NFIA: variants seen among roughly 807,000 people sequenced by gnomAD.
The protein encoded by NFIA is nuclear factor 1 A-type.
A neutral mutation model predicts 62.8 loss-of-function variants in NFIA; 8 were observed. The observed-to-expected ratio is 0.13, with a 90% CI of 0.07 to 0.23. The LOEUF (loss-of-function observed/expected upper bound fraction) is 0.23. Ranked by LOEUF, NFIA falls within the 10% of genes least tolerant of loss-of-function variation. The probability of loss-of-function intolerance (pLI) is 1.00; values close to 1 mark genes in which losing one functional copy is unlikely to be tolerated. For synonymous variants in NFIA, 235 were observed against 238.1 expected (o/e 0.99, Z 0.12); for missense variants, 410 against 642.1 (o/e 0.64, Z 3.91).
At chr1:61,135,237 T>TG (rs1647160597) in intron 2 of NFIA, among the ~76,000 whole-genome samples, 1 of 152,222 alleles carries the variant, frequency 6.6e-6, no homozygotes, top group African/African-American at 2.4e-5. Flanking sequence ...GATCATTTAA[T>TG]ACAGCTACTT....
chr1:61,254,853 GTC>G (rs1027311265), intron 2 of NFIA, among the ~76,000 whole-genome samples: 32 of 152,328 alleles, frequency 2.1e-4, no homozygotes, highest in African/African-American at 7.0e-4. Flanking sequence ...TTAAAAGACA[GTC>G]TGCCTTAAAG....
chr1:61,447,461 T>A (rs1478779144), intron 10 of NFIA, among the ~76,000 whole-genome samples: 1 of 152,138 alleles, frequency 6.6e-6, no homozygotes, highest in African/African-American at 2.4e-5. Flanking sequence ...AAACAGATAA[T>A]AAACATGAGG....
At chr1:61,255,351 A>T (rs1656313530) in intron 2 of NFIA, among the ~76,000 whole-genome samples, 1 of 152,216 alleles carries the variant, frequency 6.6e-6, no homozygotes, top group African/African-American at 2.4e-5. Flanking sequence ...AAAAATGTGT[A>T]ATCTTCAATA....
chr1:61,145,641 G>A (rs932416608), intron 2 of NFIA, among the ~76,000 whole-genome samples: 12 of 152,112 alleles, frequency 7.9e-5, no homozygotes, highest in African/African-American at 2.7e-4. Flanking sequence ...GGAGTAATGC[G>A]TTATATGCAG....
intron 2 of NFIA, among the ~76,000 whole-genome samples, chr1:61,156,373 A>G (rs1423381841): frequency 6.6e-6 from 1 of 152,104 alleles, no homozygotes; most frequent in African/African-American, 2.4e-5. Context: ...TGGGACTTGT[A>G]TGTATTTATT....
Position 61,406,543 on chromosome 1 carries a change from G to GGGGCCCCCCCCCC in NFIA, c.1255-19_1255-18insGGGCCCCCCCCCC. 1.1e-6 allele frequency: 1 copy of GGGGCCCCCCCCCC among 876,654 alleles called. No homozygotes were observed. The allele number at this position is 876,654 out of a possible 1,614,324, so 54.3% of individuals were successfully genotyped here. The stretch of plus-strand genomic sequence containing the variant: ...TCTTTTTCTTGTACGTGTGTTTTCT[G>GGGGCCCCCCCCCC]CCCCCCCCCCCCCCACAGCCCAATG... On this transcript the variant is annotated intron_variant, in intron 8 of 10. Transcript: ENST00000403491.
intron 2 of NFIA, among the ~76,000 whole-genome samples, chr1:61,213,713 C>T (rs1653410302): frequency 6.6e-6 from 1 of 152,194 alleles, no homozygotes; most frequent in African/African-American, 2.4e-5. Flanking sequence ...TACTAAAAAT[C>T]TGCTTTTCTC....
intron 6 of NFIA, among the ~76,000 whole-genome samples, chr1:61,363,666 C>T (rs945669353): frequency 2.6e-5 from 4 of 151,676 alleles, no homozygotes; most frequent in East Asian, 3.9e-4. Context: ...GAAAAATATT[C>T]GATTTTCCTT....
chr1:61,396,268 T>C (rs554640925), intron 7 of NFIA, among the ~76,000 whole-genome samples: 2 of 152,294 alleles, frequency 1.3e-5, no homozygotes, highest in East Asian at 1.9e-4. Context: ...TTTTTAGATA[T>C]AGGGTCTTGC....
At chr1:61,453,308 T>G (rs1233852428) in intron 10 of NFIA, among the ~76,000 whole-genome samples, 1 of 151,952 alleles carries the variant, frequency 6.6e-6, no homozygotes, top group Non-Finnish European at 1.5e-5. Context: ...AGGATGAACT[T>G]GAACTTGGGG....
intron 4 of NFIA, among the ~76,000 whole-genome samples, chr1:61,335,347 C>G (rs190913322): frequency 5.3e-5 from 8 of 152,074 alleles, no homozygotes; most frequent in African/African-American, 1.9e-4. Context: ...ATCCCCAGCT[C>G]AGGTTTCGTC....
At chr1:61,085,768 G>C (rs1646208304) in intron 1 of NFIA, among the ~76,000 whole-genome samples, 1 of 152,050 alleles carries the variant, frequency 6.6e-6, no homozygotes. Context: ...TTAACCTTTG[G>C]GGAGTAATAC....
intron 2 of NFIA, among the ~76,000 whole-genome samples, chr1:61,126,462 A>ACTCT (rs1553153078): frequency 2.7e-5 from 4 of 145,820 alleles, no homozygotes; most frequent in Non-Finnish European, 6.0e-5. Flanking sequence ...ACACACACAC[A>ACTCT]CACACACACA....
chr1:61,169,250 G>T (rs1047604389), intron 2 of NFIA, among the ~76,000 whole-genome samples: 2 of 152,274 alleles, frequency 1.3e-5, no homozygotes, highest in South Asian at 2.1e-4. Context: ...TTCCAGCTGT[G>T]TAACAAGCAC....
intron 10 of NFIA, among the ~76,000 whole-genome samples, chr1:61,443,753 C>T (rs932757008): frequency 3.3e-5 from 5 of 152,138 alleles, no homozygotes; most frequent in Non-Finnish European, 7.4e-5. Flanking sequence ...GAAGGAGAGT[C>T]CTTGGTGCTC....
At chr1:61,310,707 T>C (rs997179263) in intron 3 of NFIA, among the ~76,000 whole-genome samples, 2 of 149,752 alleles carry the variant, frequency 1.3e-5, no homozygotes, top group Non-Finnish European at 3.0e-5. Context: ...TTCTTTTCTC[T>C]TTTCCTTTCT....
chr1:61,332,227 A>G (rs550533324), intron 3 of NFIA, among the ~76,000 whole-genome samples: 9 of 152,284 alleles, frequency 5.9e-5, no homozygotes, highest in African/African-American at 1.4e-4. Context: ...CAAGGTAACT[A>G]TTTATTGTAA....
chr1:61,333,180 A>G (rs1661402642), intron 4 of NFIA, among the ~76,000 whole-genome samples: 1 of 152,168 alleles, frequency 6.6e-6, no homozygotes, highest in Admixed American at 6.5e-5. Context: ...CAGTAAGAAG[A>G]AGGAAAAATA....
chr1:61,252,814 T>G (rs962858642), intron 2 of NFIA, among the ~76,000 whole-genome samples: 2 of 152,236 alleles, frequency 1.3e-5, no homozygotes, highest in African/African-American at 4.8e-5. Flanking sequence ...GAGTATCTTC[T>G]TCATCCATTT....
Sources: gnomAD v4.1 joint callset for allele counts (sites outside exome capture counted in the v4.1 genomes callset) on GRCh38, gnomAD v4.1.1 for gene constraint, MANE v1.5 for transcripts, NCBI Gene and HGNC (gene_info 2026-07-23, HGNC 2026-07-21) for gene names.